The following CCPG1 variants were observed in gnomAD, a reference collection of about 807,000 sequenced individuals.
CCPG1 encodes the protein cell cycle progression protein 1.
A neutral mutation model predicts 81.3 loss-of-function variants in CCPG1; 46 were observed. That is an observed-to-expected ratio of 0.57 (90% CI 0.45 to 0.72). The LOEUF (loss-of-function observed/expected upper bound fraction) is 0.72. CCPG1 is among the 30% of genes least tolerant of loss of function. The pLI is 0.00. For missense variants in CCPG1, 902 were observed against 937.6 expected (o/e 0.96, Z 0.50); for synonymous variants, 330 against 305.2 (o/e 1.08, Z -0.85).
intron 5 of CCPG1, among the ~76,000 whole-genome samples, chr15:55,375,596 A>G (rs2056548710): frequency 6.6e-6 from 1 of 152,208 alleles, no homozygotes. Flanking sequence ...AAATAGCTGG[A>G]AAAAGTGTTT....
At chr15:55,378,011 T>C in intron 4 of CCPG1, among the ~76,000 whole-genome samples, 1 of 152,188 alleles carries the variant, frequency 6.6e-6, no homozygotes, top group East Asian at 1.9e-4. Flanking sequence ...TTACCAAATT[T>C]TAAAATGAAC....
rs200835536 is a variant in CCPG1 at position 55,360,016 on chromosome 15, G to C, written c.1757C>G (p.Pro586Arg). The part of the protein sequence containing the change: ...APTENHHNRG[P>R]TMQNDGRKEK... ...TTTCCTTCCATCATTTTGCATAGTA[G>C]GGCCTCTATTATGATGGTTTTCTGT... is the stretch of plus-strand genomic sequence containing the variant. The change falls in exon 8 of 9, where the codon CCT (proline) becomes CGT (arginine). Residue 586 changes from proline to arginine, a missense_variant. This residue lies in a region of CCPG1 where 746 missense variants were observed against 728.6 expected (regional missense o/e 1.02). Transcript: ENST00000442196. 16 of 1,613,206 alleles carry C rather than the reference G, an allele frequency of 9.9e-6. No individual in the cohort carries two copies. The highest frequency in any genetic ancestry group is 1.3e-5 in the Non-Finnish European group (15 of 1,179,878).
At position 55,360,949 on chromosome 15, in the gene CCPG1, A is replaced by ATT; in HGVS notation, c.829-7_829-6dup. On this transcript the variant is annotated splice_polypyrimidine_tract_variant and splice_region_variant and intron_variant, in intron 7 of 8. Coordinates refer to ENST00000442196, the MANE Select transcript of CCPG1 (RefSeq NM_001204450.2). ...TGCAAGATTTTCTTTCAATGACTAC[A>ATT]TTTTTTTTTGAAAGAGAAGAAATAA... 1 of 1,480,540 alleles carries ATT rather than the reference A, an allele frequency of 6.8e-7. No homozygotes were observed. The highest frequency in any genetic ancestry group is 1.4e-5 in the South Asian group (1 of 72,840). The allele number at this position is 1,480,540 out of a possible 1,614,324, so 91.7% of individuals were successfully genotyped here. A position where few individuals can be genotyped will look rare whatever the true frequency, so the allele number is the denominator to read the frequency against.
chr15:55,381,367 A>T (rs1327897122), intron 3 of CCPG1, among the ~76,000 whole-genome samples: 2 of 151,554 alleles, frequency 1.3e-5, no homozygotes, highest in Non-Finnish European at 2.9e-5. Flanking sequence ...GGGGAGGCGG[A>T]GGTTACAGTG....
At chr15:55,394,134 A>C (rs2056974150) in intron 1 of CCPG1, among the ~76,000 whole-genome samples, 1 of 152,094 alleles carries the variant, frequency 6.6e-6, no homozygotes, top group Non-Finnish European at 1.5e-5. Context: ...AGGACTATAC[A>C]GGTATGTGCC....
rs1376794096 is a variant in CCPG1 at position 55,371,891 on chromosome 15, G to A, written c.608C>T (p.Ser203Phe). 6.2e-7 allele frequency: 1 copy of A among 1,614,150 alleles called. No homozygotes were observed. The highest frequency in any genetic ancestry group is 1.7e-5 in the Admixed American group (1 of 60,010). The change falls in exon 6 of 9, where the codon TCT becomes TTT. Residue 203 changes from serine to phenylalanine, a missense_variant. This residue lies in a region of CCPG1 where 746 missense variants were observed against 728.6 expected (regional missense o/e 1.02). Coordinates refer to ENST00000442196, the MANE Select transcript of CCPG1 (RefSeq NM_001204450.2). ...GAACTGACGTTTACTCAACTCCTTA[G>A]AAGGTTCAGTTTCTTGTTCAGCAAC... ...RLVAEQETEP[S>F]KELSKRQFSS...
intron 7 of CCPG1, among the ~76,000 whole-genome samples, chr15:55,364,361 TAGAG>T (rs750925731): frequency 2.0e-5 from 3 of 150,172 alleles, no homozygotes; most frequent in African/African-American, 7.4e-5. Context: ...GAGAAGATCT[TAGAG>T]AGGCTATAAA....
intron 1 of CCPG1, among the ~76,000 whole-genome samples, chr15:55,391,887 A>AGGGGGGG (rs61200003): frequency 8.1e-4 from 36 of 44,658 alleles, no homozygotes; most frequent in East Asian, 2.4e-3. Flanking sequence ...AAAAAAAAAA[A>AGGGGGGG]GGGGGGGGGG....
intron 2 of CCPG1, among the ~76,000 whole-genome samples, chr15:55,387,866 A>C: frequency 6.9e-6 from 1 of 144,604 alleles, no homozygotes; most frequent in Non-Finnish European, 1.5e-5. Context: ...TTAAAAAAAC[A>C]AGTGGCCGGG....
chr15:55,370,738 G>A lies in CCPG1; in HGVS notation c.706+1055C>T, dbSNP rs564981958. On this transcript the variant is annotated intron_variant, in intron 6 of 8. Transcript: ENST00000442196. ...AAAAATACAAAAAAATTAGCTGGGC[G>A]TGGTGGCAGGCGCCTGTAGTCCCAG... Among the ~76,000 whole-genome samples the A allele has an allele frequency of 2.9e-4, 44 of 151,666 alleles. 1 individual carries two copies. Among genetic ancestry groups the A allele is most frequent in the African/African-American group, 9.9e-4 (41 of 41,366 alleles).
At chr15:55,383,770 A>G (rs565481846) in intron 3 of CCPG1, among the ~76,000 whole-genome samples, 1 of 152,340 alleles carries the variant, frequency 6.6e-6, no homozygotes, top group Non-Finnish European at 1.5e-5. Context: ...ACAGCTTCTT[A>G]ACCACTCTTA....
chr15:55,371,864 C>T lies in CCPG1; in HGVS notation c.635G>A (p.Ser212Asn), dbSNP rs367738876. ...TATAACACACTTATTGAGACCACTA[C>T]TGAACTGACGTTTACTCAACTCCTT... ...PSKELSKRQF[S>N]SGLNKCVILA... The change falls in exon 6 of 9, where the codon AGT becomes AAT. Residue 212 changes from serine (S) to asparagine (N), a missense_variant. Ser to Asn is a conservative substitution (Grantham distance 46, BLOSUM62 1). This residue lies in a region of CCPG1 where 746 missense variants were observed against 728.6 expected (regional missense o/e 1.02). Coordinates refer to ENST00000442196, the MANE Select transcript of CCPG1 (RefSeq NM_001204450.2). The T allele has an allele frequency of 4.3e-6, 7 of 1,614,006 alleles. No homozygotes were observed. Among genetic ancestry groups the T allele is most frequent in the African/African-American group, 1.3e-5 (1 of 74,936 alleles).
intron 5 of CCPG1, chr15:55,372,362 C>T (rs1480607598): frequency 3.4e-6 from 1 of 291,254 alleles, no homozygotes; most frequent in Non-Finnish European, 6.5e-6. Flanking sequence ...ATTCGCATAG[C>T]CTCAAGTTTC....
intron 5 of CCPG1, among the ~76,000 whole-genome samples, chr15:55,376,482 G>A (rs1465771928): frequency 6.6e-6 from 1 of 152,180 alleles, no homozygotes; most frequent in Non-Finnish European, 1.5e-5. Flanking sequence ...ATAGCACCTT[G>A]AACTCTGTTT....
At chr15:55,385,761 A>T in intron 2 of CCPG1, 47 bp from the exon 3 acceptor site, 1 of 998,906 alleles carries the variant, frequency 1.0e-6, no homozygotes, top group South Asian at 1.3e-5. Context: ...TTAGCTCCTC[A>T]AAGCTAGATT....
At chr15:55,364,061 C>G (rs918098695) in intron 7 of CCPG1, among the ~76,000 whole-genome samples, 1 of 150,366 alleles carries the variant, frequency 6.7e-6, no homozygotes, top group South Asian at 2.2e-4. Flanking sequence ...ACCTTGGCTT[C>G]CCAAGGTTAC....
chr15:55,405,422 G>A (rs1275688392), intron 1 of CCPG1, among the ~76,000 whole-genome samples: 2 of 152,136 alleles, frequency 1.3e-5, no homozygotes, highest in African/African-American at 4.8e-5. Flanking sequence ...GCTACTGGGA[G>A]GCTGAGGCAG....
At position 55,356,272 on chromosome 15, in the gene CCPG1, ATT is replaced by A; in HGVS notation, c.2370_2371del (p.Gln790HisfsTer5). On this transcript the variant is annotated frameshift_variant, in exon 9 of 9. Coordinates refer to ENST00000442196, the MANE Select transcript of CCPG1 (RefSeq NM_001204450.2). LOFTEE classifies it high-confidence loss of function. ...CCCCAATTCTATTTCAAGATTTGCC[ATT>A]TGTCTTCCATTAGTGCGACCATATT... 3.9e-6 allele frequency: 6 copies of A among 1,535,014 alleles called. No homozygotes were observed. Among genetic ancestry groups the A allele is most frequent in the Non-Finnish European group, 4.4e-6 (5 of 1,146,414 alleles).
intron 1 of CCPG1, among the ~76,000 whole-genome samples, chr15:55,389,727 G>A (rs996967808): frequency 6.6e-6 from 1 of 152,210 alleles, no homozygotes; most frequent in Non-Finnish European, 1.5e-5. Flanking sequence ...TGGCCAGACA[G>A]AGGTGAAGGA....
Sources: gnomAD v4.1 joint callset for allele counts (sites outside exome capture counted in the v4.1 genomes callset) on GRCh38, gnomAD v4.1.1 for gene constraint, gnomAD v4.1.1 regional missense constraint, MANE v1.5 for transcripts, NCBI Gene and HGNC (gene_info 2026-07-23, HGNC 2026-07-21) for gene names.